Variants in TGM6 observed in about 807,000 individuals in gnomAD.
TGM6 encodes protein-glutamine gamma-glutamyltransferase 6.
In TGM6, 74 loss-of-function variants were observed where a neutral mutation model predicts 77.5. That is an observed-to-expected ratio of 0.96 (90% CI 0.79 to 1.16). The LOEUF (loss-of-function observed/expected upper bound fraction) is 1.16. Ranked by LOEUF, TGM6 falls within the 50% of genes most tolerant of loss-of-function variation. The pLI, the probability that TGM6 is intolerant of heterozygous loss-of-function variation, is 0.00. For missense variants in TGM6, 968 were observed against 940.2 expected (o/e 1.03, Z -0.39); for synonymous variants, 383 against 378.9 (o/e 1.01, Z -0.12).
intron 1 of TGM6, among the ~76,000 whole-genome samples, chr20:2,392,599 G>C (rs973188461): frequency 6.6e-6 from 1 of 152,146 alleles, no homozygotes; most frequent in East Asian, 1.9e-4. Context: ...CTGCAGAGCG[G>C]GGAACTGAGA....
chr20:2,384,777 A>G (rs1332980806), intron 1 of TGM6, among the ~76,000 whole-genome samples: 2 of 152,184 alleles, frequency 1.3e-5, no homozygotes, highest in African/African-American at 4.8e-5. Context: ...AGGAGAGCAG[A>G]CAAGCTGGAG....
At chr20:2,422,567 C>T (rs974568089) in intron 10 of TGM6, among the ~76,000 whole-genome samples, 1 of 152,094 alleles carries the variant, frequency 6.6e-6, no homozygotes. Context: ...GTCTATAAAG[C>T]GTGCAATAGC....
chr20:2,413,509 G>A (rs926452680), intron 9 of TGM6, among the ~76,000 whole-genome samples: 2 of 152,284 alleles, frequency 1.3e-5, no homozygotes, highest in South Asian at 4.1e-4. Flanking sequence ...AAACTGAACT[G>A]AGAGTTGAAA....
intron 12 of TGM6, among the ~76,000 whole-genome samples, chr20:2,431,957 G>C (rs1369333788): frequency 6.6e-6 from 1 of 152,236 alleles, no homozygotes; most frequent in African/African-American, 2.4e-5. Flanking sequence ...GGGAAGTTCA[G>C]GGCACAGACA....
At chr20:2,424,070 C>T (rs1295097274) in intron 10 of TGM6, among the ~76,000 whole-genome samples, 1 of 152,182 alleles carries the variant, frequency 6.6e-6, no homozygotes, top group Admixed American at 6.5e-5. Context: ...TTATGGACCA[C>T]AGGCATAGTA....
chr20:2,396,702 C>T, intron 4 of TGM6, 78 bp downstream of exon 4: 3 of 1,318,914 alleles, frequency 2.3e-6, no homozygotes, highest in Non-Finnish European at 3.3e-6. Flanking sequence ...CCTCTGTCTG[C>T]TCACTCTTCT....
intron 10 of TGM6, among the ~76,000 whole-genome samples, chr20:2,426,606 A>G (rs1351487043): frequency 1.3e-5 from 2 of 152,210 alleles, no homozygotes; most frequent in African/African-American, 2.4e-5. Flanking sequence ...TCATCATGGG[A>G]AAGCTTCCAG....
intron 1 of TGM6, among the ~76,000 whole-genome samples, chr20:2,389,877 A>G (rs73894928): frequency 0.039 from 5,956 of 152,278 alleles, 396 homozygotes; most frequent in African/African-American, 0.13. Flanking sequence ...ATCTACTGAC[A>G]TATTAGCCCT....
chr20:2,402,471 C>T (rs2084717819), intron 7 of TGM6, among the ~76,000 whole-genome samples: 1 of 152,154 alleles, frequency 6.6e-6, no homozygotes, highest in African/African-American at 2.4e-5. Flanking sequence ...TCGCATTCTT[C>T]TCTTTTCTTC....
chr20:2,394,528 T>A lies in TGM6; in HGVS notation c.84T>A (p.Pro28=). The A allele has an allele frequency of 6.2e-7, 1 of 1,609,840 alleles. No homozygotes were observed. Among genetic ancestry groups the A allele is most frequent in the Non-Finnish European group, 8.5e-7 (1 of 1,177,934 alleles). Reference sequence around the variant, plus strand: ...ACCACACCCAGGAGTACCCCTGCCCTGAGCTGGTGGTTCGCAGGGGCCAGT... The same window carrying A: ...ACCACACCCAGGAGTACCCCTGCCCAGAGCTGGTGGTTCGCAGGGGCCAGT... ...AAHHTQEYPC[P]ELVVRRGQSF... The change falls in exon 2 of 13, where the codon CCT becomes CCA. Residue 28 remains proline (P), a synonymous_variant. Coordinates refer to ENST00000202625, the MANE Select transcript of TGM6 (RefSeq NM_198994.3).
In TGM6 at chr20:2,417,272, C is replaced by T. The variant is rs760302420; in HGVS notation, c.1377C>T (p.Asn459=). ...KERQVYSKAV[N]RLFGVEASGR... is the part of the protein sequence containing the mutation. ...GGCAGGTGTACAGCAAGGCGGTGAA[C>T]AGGCTGTTCGGCGTGGAAGCCTCTG... Residue 459 remains asparagine (N), a synonymous_variant, in exon 10 of 13, where the codon AAC becomes AAT. Coordinates refer to ENST00000202625, the MANE Select transcript of TGM6 (RefSeq NM_198994.3). The T allele has an allele frequency of 7.5e-6, 12 of 1,609,830 alleles. No homozygotes were observed. The South Asian group carries it at 1.3e-4, about 18-fold the overall frequency.
At chr20:2,381,939 A>C (rs1016389648) in intron 1 of TGM6, among the ~76,000 whole-genome samples, 3 of 151,328 alleles carry the variant, frequency 2.0e-5, no homozygotes, top group African/African-American at 7.3e-5. Flanking sequence ...AAAGTAAGAT[A>C]ATGTGTCCCC....
At chr20:2,422,909 C>T (rs1189327245) in intron 10 of TGM6, among the ~76,000 whole-genome samples, 1 of 148,900 alleles carries the variant, frequency 6.7e-6, no homozygotes, top group Non-Finnish European at 1.5e-5. Flanking sequence ...GAGATCCTGC[C>T]ACTGCACTCC....
chr20:2,393,398 T>C (rs2084641238), intron 1 of TGM6, among the ~76,000 whole-genome samples: 1 of 152,234 alleles, frequency 6.6e-6, no homozygotes, highest in Non-Finnish European at 1.5e-5. Flanking sequence ...ACTGAAGTGC[T>C]GTCTCATGTT....
intron 9 of TGM6, 148 bp downstream of exon 9, chr20:2,403,971 C>A: frequency 3.0e-6 from 4 of 1,327,906 alleles, no homozygotes; most frequent in Non-Finnish European, 4.2e-6. Flanking sequence ...GTGCTCTGAG[C>A]CAAGTGCCTT....
At position 2,395,422 on chromosome 20, in the gene TGM6, A is replaced by T; in HGVS notation, c.410A>T (p.Asn137Ile). The T allele has an allele frequency of 6.2e-7, 1 of 1,614,146 alleles. No individual in the cohort carries two copies. Among genetic ancestry groups the T allele is most frequent in the Non-Finnish European group, 8.5e-7 (1 of 1,180,022 alleles). ...CTGGGCGAGTTTGTTCTCCTTTTCA[A>T]CCCATGGTGTGCAGGTAGGAGTGGC... is the stretch of plus-strand genomic sequence containing the variant. Reference protein sequence around the residue: ...RRLGEFVLLFNPWCAEDDVFL... With the variant: ...RRLGEFVLLFIPWCAEDDVFL... Residue 137 changes from asparagine (N) to isoleucine (I), a missense_variant, in exon 3 of 13, where the codon AAC (asparagine) becomes ATC (isoleucine). Coordinates refer to ENST00000202625, the MANE Select transcript of TGM6 (RefSeq NM_198994.3).
intron 3 of TGM6, 96 bp from the exon 4 acceptor site, chr20:2,396,410 G>T (rs531050939): frequency 1.6e-6 from 2 of 1,278,142 alleles, no homozygotes; most frequent in South Asian, 1.2e-5. Context: ...GTCAGCCTCC[G>T]GGCGCTGCCC....
At chr20:2,399,827 C>A in intron 6 of TGM6, 89 bp downstream of exon 6, 2 of 1,181,558 alleles carry the variant, frequency 1.7e-6, no homozygotes, top group Non-Finnish European at 2.4e-6. Flanking sequence ...ATGCTGCAAC[C>A]CATCTTCATT....
chr20:2,394,692 C>CGGG lies in TGM6; in HGVS notation c.181+67_181+68insGGG. 2.6e-6 allele frequency: 4 copies of CGGG among 1,515,018 alleles called. No homozygotes were observed. The South Asian group carries it at 4.8e-5, about 18-fold the overall frequency. 93.8% of individuals were successfully genotyped at this position (1,515,018 alleles called of 1,614,324 possible). A position where few individuals can be genotyped will look rare whatever the true frequency, so the allele number is the denominator to read the frequency against. On this transcript the variant is annotated intron_variant, in intron 2 of 12. Transcript: ENST00000202625. ...AGGGACCTGTCTTATGACTCAGTAA[C>CGGG]ATAAGACCTTGCAGTCAGCAGCTCA...
Sources: allele counts gnomAD v4.1 joint callset (sites outside exome capture counted in the v4.1 genomes callset), GRCh38; gene constraint gnomAD v4.1.1; transcripts MANE v1.5; gene names NCBI Gene and HGNC (gene_info 2026-07-23, HGNC 2026-07-21).